Variants in UNC93A observed in about 807,000 individuals in gnomAD.
UNC93A encodes the protein N-acetylglucosamine transporter UNC93A.
In UNC93A, 43 loss-of-function variants were observed where a neutral mutation model predicts 47.5. That is an observed-to-expected ratio of 0.91 (90% confidence interval 0.71 to 1.17). The LOEUF is 1.17. UNC93A is among the 50% of genes most tolerant of loss of function. The pLI is 0.00. For synonymous variants in UNC93A, 280 were observed against 258.0 expected, an observed-to-expected ratio of 1.09 and a Z score of -0.82; for missense variants, 605 against 577.6, an observed-to-expected ratio of 1.05 and a Z score of -0.49.
upstream of UNC93A, among the ~76,000 whole-genome samples, chr6:167,287,108 A>G (rs906609335): frequency 1.3e-5 from 2 of 151,820 alleles, no homozygotes; most frequent in Non-Finnish European, 2.9e-5. Flanking sequence ...CGGCTATCCA[A>G]TCACAGCCGT....
chr6:167,280,676 C>T (rs1328615355), intron 1 of UNC93A, among the ~76,000 whole-genome samples: 9 of 152,066 alleles, frequency 5.9e-5, no homozygotes, highest in African/African-American at 1.9e-4. Flanking sequence ...GGCCAGAGCT[C>T]GCAGGGGACA....
At chr6:167,287,710 CAT>C (rs990363106), upstream of UNC93A, among the ~76,000 whole-genome samples, 28 of 149,134 alleles carry the variant, frequency 1.9e-4, no homozygotes, top group African/African-American at 6.1e-4. Flanking sequence ...CATGTGTGTG[CAT>C]ATGTGTGTGT....
chr6:167,303,678 G>T (rs1445653114), intron 4 of UNC93A, among the ~76,000 whole-genome samples: 1 of 152,080 alleles, frequency 6.6e-6, no homozygotes. Context: ...GGACAATACT[G>T]ACCTATTGTG....
At chr6:167,282,114 G>T (rs1412276509) in intron 1 of UNC93A, among the ~76,000 whole-genome samples, 1 of 152,208 alleles carries the variant, frequency 6.6e-6, no homozygotes, top group Non-Finnish European at 1.5e-5. Context: ...AGTCTTTGCA[G>T]GGTGGCTTAT....
intron 1 of UNC93A, among the ~76,000 whole-genome samples, chr6:167,272,763 G>T (rs1220693951): frequency 6.6e-6 from 1 of 152,184 alleles, no homozygotes; most frequent in African/African-American, 2.4e-5. Context: ...AAGAAATTAA[G>T]ATAAGTTAAG....
chr6:167,294,421 T>C, intron 1 of UNC93A, 96 bp from the exon 2 acceptor site: 1 of 1,441,038 alleles, frequency 6.9e-7, no homozygotes, highest in Non-Finnish European at 9.4e-7. Context: ...CTGGGAGCTG[T>C]GGCGGCCTCC....
At chr6:167,309,611 A>G (rs1182794035) in intron 7 of UNC93A, among the ~76,000 whole-genome samples, 1 of 152,090 alleles carries the variant, frequency 6.6e-6, no homozygotes, top group Non-Finnish European at 1.5e-5. Flanking sequence ...CAAACCCACA[A>G]ACGAACTACA....
chr6:167,277,026 G>GC (rs1783555329), intron 1 of UNC93A, among the ~76,000 whole-genome samples: 2 of 152,232 alleles, frequency 1.3e-5, no homozygotes, highest in Admixed American at 1.3e-4. Flanking sequence ...CAAGCCCAAG[G>GC]CCATGCACAG....
At chr6:167,300,000 G>A (rs746184830) in intron 4 of UNC93A, among the ~76,000 whole-genome samples, 49 of 152,304 alleles carry the variant, frequency 3.2e-4, no homozygotes, top group Admixed American at 6.5e-4. Context: ...GGTACGGGGA[G>A]GCAGAGATGG....
At chr6:167,295,302 G>A (rs1427666053) in intron 2 of UNC93A, among the ~76,000 whole-genome samples, 1 of 152,260 alleles carries the variant, frequency 6.6e-6, no homozygotes, top group Admixed American at 6.5e-5. Context: ...CTTCCCGGTA[G>A]CTGCAGAGTC....
intron 1 of UNC93A, among the ~76,000 whole-genome samples, chr6:167,293,218 C>T (rs1268665068): frequency 1.3e-5 from 2 of 152,140 alleles, no homozygotes; most frequent in Admixed American, 6.5e-5. Context: ...AGTAGATTGT[C>T]CCACGCCCCG....
In UNC93A at chr6:167,283,020, G is replaced by T. The variant is rs1393441384; in HGVS notation, c.-51-8419G>T. Among the ~76,000 whole-genome samples, 2 of 152,156 alleles carry T rather than the reference G, an allele frequency of 1.3e-5. 1 individual carries two copies. The highest frequency in any genetic ancestry group is 3.8e-4 in the East Asian group (2 of 5,202). On this transcript the variant is annotated intron_variant, in intron 1 of 3. Transcript: ENST00000503433. Reference sequence around the variant, plus strand: ...TTATTATGTTGATGAAGTCTCATAGGTGGTACCCTTAGAGACAACAGATGG... The same window carrying T: ...TTATTATGTTGATGAAGTCTCATAGTTGGTACCCTTAGAGACAACAGATGG...
At chr6:167,288,920 C>G (rs1037502839), upstream of UNC93A, among the ~76,000 whole-genome samples, 2 of 152,276 alleles carry the variant, frequency 1.3e-5, no homozygotes, top group Non-Finnish European at 2.9e-5. Context: ...ATTTTAACGT[C>G]CAATGAGTGA....
At chr6:167,305,477 CAT>C (rs1451844200) in intron 5 of UNC93A, among the ~76,000 whole-genome samples, 1 of 152,092 alleles carries the variant, frequency 6.6e-6, no homozygotes, top group Admixed American at 6.5e-5. Flanking sequence ...GCATGAGACA[CAT>C]GTGCAGCCGG....
chr6:167,304,367 G>A (rs1022401175), intron 5 of UNC93A, among the ~76,000 whole-genome samples: 3 of 152,192 alleles, frequency 2.0e-5, no homozygotes, highest in African/African-American at 7.2e-5. Flanking sequence ...AAGGGAGAAC[G>A]TCTTGCTTGA....
rs770662491 is a variant in UNC93A at position 167,315,393 on chromosome 6, C to T, written c.1315C>T (p.Pro439Ser). Residue 439 changes from proline (P) to serine (S), a missense_variant, in exon 8 of 8, where the codon CCC becomes TCC. Pro to Ser is a moderately conservative substitution (Grantham distance 74, BLOSUM62 -1). Coordinates refer to ENST00000230256, the MANE Select transcript of UNC93A (RefSeq NM_018974.4). ...CGTGGAGTCCAAGAACCCGATCAGACCCCACGCTCCAGGACAGGTCAACCA... is the reference window on the plus strand; with the variant it reads ...CGTGGAGTCCAAGAACCCGATCAGATCCCACGCTCCAGGACAGGTCAACCA... ...ECVESKNPIR[P>S]HAPGQVNQAE... is the part of the protein sequence containing the mutation. The T allele has an allele frequency of 1.1e-5, 18 of 1,613,896 alleles. No individual in the cohort carries two copies. Among genetic ancestry groups the T allele is most frequent in the Middle Eastern group, 3.3e-4 (2 of 6,056 alleles).
In UNC93A at chr6:167,291,370, C is replaced by T; in HGVS notation, c.-120C>T. The T allele has an allele frequency of 3.9e-6, 3 of 777,458 alleles. No homozygotes were observed. Among genetic ancestry groups the T allele is most frequent in the Middle Eastern group, 2.7e-4 (1 of 3,686 alleles). 48.2% of individuals were successfully genotyped at this position (777,458 alleles called of 1,614,324 possible). A position where few individuals can be genotyped will look rare whatever the true frequency, so the allele number is the denominator to read the frequency against. On this transcript the variant is annotated 5_prime_UTR_variant, in exon 1 of 8. Transcript: ENST00000230256. ...CACCTCTAACATTTCACCTCTAGCT[C>T]AGATGAGAGAGAGAATGGGACTTCT...
upstream of UNC93A, among the ~76,000 whole-genome samples, chr6:167,287,102 T>C (rs1350142844): frequency 1.3e-5 from 2 of 151,986 alleles, no homozygotes; most frequent in Non-Finnish European, 2.9e-5. Context: ...CTTCCTCGGC[T>C]ATCCAATCAC....
chr6:167,301,127 C>G (rs927596169), intron 4 of UNC93A, among the ~76,000 whole-genome samples: 1 of 152,270 alleles, frequency 6.6e-6, no homozygotes, highest in African/African-American at 2.4e-5. Context: ...GGCCCCTGCT[C>G]TAGAGGAACA....
Sources: allele counts gnomAD v4.1 joint callset (sites outside exome capture counted in the v4.1 genomes callset), GRCh38; gene constraint gnomAD v4.1.1; transcripts MANE v1.5; gene names NCBI Gene and HGNC (gene_info 2026-07-23, HGNC 2026-07-21).